The following DPP10 variants were observed in gnomAD, a reference collection of about 807,000 sequenced individuals.
The protein encoded by DPP10 is inactive dipeptidyl peptidase 10.
Under a neutral mutation model 120.9 loss-of-function variants are expected in DPP10, and 33 were observed. The ratio of observed to expected loss-of-function variants is 0.27; its 90% CI spans 0.21 to 0.37. The LOEUF is 0.37. Among genes scored for constraint, DPP10 ranks in the 10% least tolerant of loss-of-function variants. The pLI is 1.00. For missense variants in DPP10, 816 were observed against 942.8 expected, an observed-to-expected ratio of 0.87 and a Z score of 1.76; for synonymous variants, 337 against 326.1, an observed-to-expected ratio of 1.03 and a Z score of -0.36.
chr2:115,541,567 A>C (rs1307780068), intron 5 of DPP10, among the ~76,000 whole-genome samples: 1 of 151,882 alleles, frequency 6.6e-6, no homozygotes, highest in East Asian at 1.9e-4. Flanking sequence ...AGATAATTGC[A>C]TAGAAAGTTC....
chr2:114,648,707 G>C (rs1335128534), intron 1 of DPP10, among the ~76,000 whole-genome samples: 2 of 152,220 alleles, frequency 1.3e-5, no homozygotes, highest in Non-Finnish European at 2.9e-5. Context: ...GTAGGTATAA[G>C]AAATGGTCTA....
rs147880649 is a variant in DPP10, at chr2:115,811,297, A to G, written c.1701-3496A>G. 3.5e-3 allele frequency among the ~76,000 whole-genome samples: 534 copies of G among 152,348 alleles called. 1 individual carries two copies. Among genetic ancestry groups the G allele is most frequent in the African/African-American group, 0.012 (493 of 41,594 alleles). ...AATTGATACCACTTCGTGATCTAAC[A>G]TTTAAACCTTGGAAAGACTAGGTTA... On this transcript the variant is annotated intron_variant, in intron 19 of 25. Coordinates refer to ENST00000410059, the MANE Select transcript of DPP10 (RefSeq NM_020868.6).
chr2:114,493,569 G>A (rs902386557), intron 1 of DPP10, among the ~76,000 whole-genome samples: 1 of 152,026 alleles, frequency 6.6e-6, no homozygotes, highest in Non-Finnish European at 1.5e-5. Context: ...ACGTGGTGAG[G>A]TTTATCAAAA....
At position 115,252,768 on chromosome 2, in the gene DPP10, C is replaced by G. The variant is rs186391055; in HGVS notation, c.61-56471C>G. ...CTTAAATTCTTCAAATCTCTGGTCT[C>G]AAACTAATTGATTTCTCTGATGCAG... On this transcript the variant is annotated intron_variant, in intron 1 of 25. Coordinates refer to ENST00000410059, the MANE Select transcript of DPP10 (RefSeq NM_020868.6). Among the ~76,000 whole-genome samples the G allele has an allele frequency of 4.0e-3, 603 of 152,282 alleles. 1 individual carries two copies. Among genetic ancestry groups the G allele is most frequent in the Non-Finnish European group, 6.4e-3 (435 of 68,012 alleles).
intron 1 of DPP10, among the ~76,000 whole-genome samples, chr2:114,992,857 G>A (rs1700828773): frequency 6.6e-6 from 1 of 152,154 alleles, no homozygotes; most frequent in African/African-American, 2.4e-5. Context: ...TGAATGACTT[G>A]TAGACAGTCA....
intron 5 of DPP10, among the ~76,000 whole-genome samples, chr2:115,653,389 A>G (rs900353814): frequency 2.6e-5 from 4 of 152,034 alleles, no homozygotes; most frequent in South Asian, 2.1e-4. Flanking sequence ...CCCAATTTCA[A>G]TCCATTCTCA....
intron 1 of DPP10, among the ~76,000 whole-genome samples, chr2:114,552,811 G>A (rs747285364): frequency 1.2e-4 from 19 of 152,092 alleles, no homozygotes; most frequent in Non-Finnish European, 2.1e-4. Context: ...CTCCCAAAGT[G>A]CTGGAATTAC....
At chr2:115,804,658 C>A (rs1317337361) in intron 19 of DPP10, among the ~76,000 whole-genome samples, 1 of 152,286 alleles carries the variant, frequency 6.6e-6, no homozygotes, top group East Asian at 1.9e-4. Context: ...CAGTCAGGAC[C>A]CTCAGCTGCA....
intron 3 of DPP10, among the ~76,000 whole-genome samples, chr2:115,401,578 G>A (rs2068077961): frequency 6.6e-6 from 1 of 152,044 alleles, no homozygotes; most frequent in Non-Finnish European, 1.5e-5. Flanking sequence ...GTGACACCCT[G>A]CCTGTAAAAA....
intron 5 of DPP10, among the ~76,000 whole-genome samples, chr2:115,599,136 G>T (rs2083167457): frequency 6.6e-6 from 1 of 151,930 alleles, no homozygotes; most frequent in Non-Finnish European, 1.5e-5. Context: ...AACATTTTGA[G>T]TATGATTATC....
intron 1 of DPP10, among the ~76,000 whole-genome samples, chr2:114,641,364 G>A (rs114660625): frequency 0.019 from 2,815 of 151,904 alleles, 39 homozygotes; most frequent in Middle Eastern, 0.034. Flanking sequence ...CCTTCCCAGG[G>A]TTAGAGGCAA....
At position 115,026,231 on chromosome 2, in the gene DPP10, A is replaced by AT. The variant is rs376690279; in HGVS notation, c.61-283003dup. Among the ~76,000 whole-genome samples, 152 of 152,026 alleles carry AT rather than the reference A, an allele frequency of 1.0e-3. 3 individuals carry two copies. The highest frequency in any genetic ancestry group is 3.5e-3 in the African/African-American group (146 of 41,446). On this transcript the variant is annotated intron_variant, in intron 1 of 25. Transcript: ENST00000410059. ...TGGTGAGAGATAGGGATCTAATTCC[A>AT]TTTTTCTGCTTATGGTTATTCAGCT... is the stretch of plus-strand genomic sequence containing the variant.
chr2:115,516,445 CAAAT>C (rs1267074553), intron 4 of DPP10, among the ~76,000 whole-genome samples: 2 of 150,982 alleles, frequency 1.3e-5, no homozygotes, highest in African/African-American at 2.4e-5. Flanking sequence ...AGGATACTGA[CAAAT>C]AAACAGGAAA....
At chr2:115,065,886 A>C (rs531658481) in intron 1 of DPP10, among the ~76,000 whole-genome samples, 1 of 152,318 alleles carries the variant, frequency 6.6e-6, no homozygotes, top group Non-Finnish European at 1.5e-5. Context: ...AGAATAATTG[A>C]ATTGGTGTAT....
At chr2:114,980,763 G>C (rs1700033970) in intron 1 of DPP10, among the ~76,000 whole-genome samples, 1 of 151,766 alleles carries the variant, frequency 6.6e-6, no homozygotes, top group Non-Finnish European at 1.5e-5. Context: ...AGCGCTGCAG[G>C]TATAAGCATG....
intron 1 of DPP10, among the ~76,000 whole-genome samples, chr2:114,812,108 C>T (rs1400596389): frequency 1.3e-5 from 2 of 152,096 alleles, no homozygotes; most frequent in Non-Finnish European, 2.9e-5. Context: ...TGACTCTTGC[C>T]TAGAGGTAGC....
chr2:114,682,770 GTCTATCTA>G (rs72471562), intron 1 of DPP10, among the ~76,000 whole-genome samples: 22,273 of 149,482 alleles, frequency 0.15, 2,211 homozygotes, highest in African/African-American at 0.29. Context: ...CTATCTGTCT[GTCTATCTA>G]TCTATCTATC....
At position 115,288,636 on chromosome 2, in the gene DPP10, T is replaced by G. The variant is rs372201529; in HGVS notation, c.61-20603T>G. On this transcript the variant is annotated intron_variant, in intron 1 of 25. Transcript: ENST00000410059. ...TACTCGGGAGGCTGAGGTAGGAGAA[T>G]TGCTTGGACCCAGGAAACGAGGTTG... Among the ~76,000 whole-genome samples the G allele has an allele frequency of 2.0e-4, 31 of 152,008 alleles. No homozygotes were observed. The East Asian group carries it at 3.5e-3, about 17-fold the overall frequency.
At chr2:115,479,642 T>C (rs2075307451) in intron 3 of DPP10, among the ~76,000 whole-genome samples, 2 of 144,796 alleles carry the variant, frequency 1.4e-5, no homozygotes, top group Non-Finnish European at 2.9e-5. Flanking sequence ...AAAACACACA[T>C]GTATATATAT....
Sources: allele counts gnomAD v4.1 joint callset (sites outside exome capture counted in the v4.1 genomes callset), GRCh38; gene constraint gnomAD v4.1.1; transcripts MANE v1.5; gene names NCBI Gene and HGNC (gene_info 2026-07-23, HGNC 2026-07-21).